The following TUBA3E variants were observed in gnomAD, a reference collection of about 807,000 sequenced individuals.
The protein encoded by TUBA3E is tubulin alpha-3E chain.
Under a neutral mutation model 36.7 loss-of-function variants are expected in TUBA3E, and 21 were observed. The ratio of observed to expected loss-of-function variants is 0.57; its 90% CI spans 0.41 to 0.83. The LOEUF (loss-of-function observed/expected upper bound fraction) is 0.83, where lower values mean the gene tolerates loss of function less well. Ranked by LOEUF, TUBA3E falls within the 40% of genes least tolerant of loss-of-function variation. TUBA3E has a pLI of 0.00. For missense variants in TUBA3E, 469 were observed against 604.2 expected (o/e 0.78, Z 2.35); for synonymous variants, 177 against 241.9 (o/e 0.73, Z 2.49).
intron 1 of TUBA3E, among the ~76,000 whole-genome samples, chr2:130,197,492 CAAA>C (rs1202771961): frequency 9.0e-5 from 4 of 44,402 alleles, no homozygotes; most frequent in African/African-American, 6.5e-5. Flanking sequence ...AGTGCTGTCT[CAAA>C]AAAAAAAAAA....
rs1180331437 is a variant in TUBA3E, at chr2:130,191,958, A to G, written c.1226T>C (p.Val409Ala). 1.9e-6 allele frequency: 3 copies of G among 1,613,804 alleles called. No homozygotes were observed. Among genetic ancestry groups the G allele is most frequent in the Admixed American group, 1.7e-5 (1 of 59,968 alleles). The stretch of plus-strand genomic sequence containing the variant: ...CTCTCCCTCTTCCATGCCTTCGCCC[A>G]CGTACCAGTGCACAAAGGCCCACTT... Reference protein sequence around the residue: ...YAKWAFVHWYVGEGMEEGEFS... With the variant: ...YAKWAFVHWYAGEGMEEGEFS... Residue 409 changes from valine (V) to alanine (A), a missense_variant, in exon 5 of 5, where the codon GTG (valine) becomes GCG (alanine). Val to Ala is a moderately conservative substitution (Grantham distance 64). Transcript: ENST00000312988.
Position 130,194,938 on chromosome 2 carries a change from A to G in TUBA3E, c.375+141T>C, listed in dbSNP as rs143640640. The G allele has an allele frequency of 3.2e-3, 4,684 of 1,482,918 alleles. 99 individuals carry two copies. In the African/African-American group the frequency reaches 0.056, roughly 18 times the overall value. The allele number at this position is 1,482,918 out of a possible 1,614,324, so 91.9% of individuals were successfully genotyped here. On this transcript the variant is annotated intron_variant, in intron 3 of 4. Coordinates refer to ENST00000312988, the MANE Select transcript of TUBA3E (RefSeq NM_207312.3). ...GGTAATCCACCTGCTTTAGCCTCTCAAAGTGCTGGGATTACACGTGTGAGC... is the reference window on the plus strand; with the variant it reads ...GGTAATCCACCTGCTTTAGCCTCTCGAAGTGCTGGGATTACACGTGTGAGC...
In TUBA3E at chr2:130,196,366, C is replaced by T; in HGVS notation, c.9G>A (p.Glu3=). The part of the protein sequence containing the change: MR[E]CISIHVGQAG... The stretch of plus-strand genomic sequence containing the variant: ...CCTGCCCCACGTGGATAGAGATACA[C>T]TCGCGCTGTGAACCGGAACATAAAT... Residue 3 remains glutamate (E), a synonymous_variant, in exon 2 of 5, where the codon GAG becomes GAA. Coordinates refer to ENST00000312988, the MANE Select transcript of TUBA3E (RefSeq NM_207312.3). 1 of 1,612,318 alleles carries T rather than the reference C, an allele frequency of 6.2e-7. No homozygotes were observed. The highest frequency in any genetic ancestry group is 8.5e-7 in the Non-Finnish European group (1 of 1,178,456).
chr2:130,196,397 C>A, intron 1 of TUBA3E, 26 bp from the exon 2 acceptor site: 2 of 1,602,720 alleles, frequency 1.2e-6, no homozygotes, highest in South Asian at 2.2e-5. Context: ...TAAATGTGAA[C>A]CCATTCATTT....
rs1690264967 is a variant in TUBA3E at position 130,191,808 on chromosome 2, G to A, written c.*23C>T. 2.5e-6 allele frequency: 4 copies of A among 1,587,144 alleles called. No individual in the cohort carries two copies. The East Asian group carries it at 6.7e-5, about 27-fold the overall frequency. ...AAGCAGCCATCCTAGGGGTGGCAGG[G>A]GAGAACCCACCACACCCTCCCCTCA... On this transcript the variant is annotated 3_prime_UTR_variant, in exon 5 of 5. Transcript: ENST00000312988.
rs1259864695 is a variant in TUBA3E at position 130,198,144 on chromosome 2, A to C, written c.3+214T>G. On this transcript the variant is annotated intron_variant, in intron 1 of 4. Coordinates refer to ENST00000312988, the MANE Select transcript of TUBA3E (RefSeq NM_207312.3). ...ACCGTCAATGGTCCCCGTCCACTAA[A>C]GGCCGGCAGCTTCATCTAAAACAAA... is the stretch of plus-strand genomic sequence containing the variant. 1.6e-5 allele frequency among the ~76,000 whole-genome samples: 2 copies of C among 122,814 alleles called. 1 individual carries two copies. Among genetic ancestry groups the C allele is most frequent in the Non-Finnish European group, 3.6e-5 (2 of 55,772 alleles). The allele number at this position is 122,814 out of a possible 152,430, so 80.6% of individuals were successfully genotyped here.
chr2:130,194,973 C>G (rs866424776), intron 3 of TUBA3E, 106 bp downstream of exon 3: 12 of 1,550,814 alleles, frequency 7.7e-6, no homozygotes, highest in Admixed American at 3.6e-5. Context: ...CCACCGCGCC[C>G]GGCCAAGATG....
rs1429640083 is a variant in TUBA3E at position 130,198,111 on chromosome 2, G to A, written c.3+247C>T. Among the ~76,000 whole-genome samples the A allele has an allele frequency of 4.4e-4, 54 of 122,910 alleles. 8 individuals are homozygous for A. Among genetic ancestry groups the A allele is most frequent in the African/African-American group, 1.3e-3 (45 of 34,420 alleles). The allele number at this position is 122,910 out of a possible 152,430, so 80.6% of individuals were successfully genotyped here. On this transcript the variant is annotated intron_variant, in intron 1 of 4. Transcript: ENST00000312988. ...CGACGCCACTATTTGCTCTCTGGGGGACGGGATACCGTCAATGGTCCCCGT... is the reference window on the plus strand; with the variant it reads ...CGACGCCACTATTTGCTCTCTGGGGAACGGGATACCGTCAATGGTCCCCGT...
rs2104746622 is a variant in TUBA3E at position 130,192,143 on chromosome 2, A to G, written c.1057-16T>C. On this transcript the variant is annotated splice_polypyrimidine_tract_variant and intron_variant, in intron 4 of 4. Coordinates refer to ENST00000312988, the MANE Select transcript of TUBA3E (RefSeq NM_207312.3). ...TAATGCCCACCTGCCAGAGAAGGGAAAGAAAGCAGTCCGTGAAGCTTATAT... is the reference window on the plus strand; with the variant it reads ...TAATGCCCACCTGCCAGAGAAGGGAGAGAAAGCAGTCCGTGAAGCTTATAT... 6.3e-7 allele frequency: 1 copy of G among 1,588,806 alleles called. No homozygotes were observed. Among genetic ancestry groups the G allele is most frequent in the African/African-American group, 1.3e-5 (1 of 74,282 alleles).
rs200546660 is a variant in TUBA3E, at chr2:130,192,734, AT to A, written c.1057-608del. Among the ~76,000 whole-genome samples, 709 of 152,354 alleles carry A rather than the reference AT, an allele frequency of 4.7e-3. 4 individuals carry two copies. Among genetic ancestry groups the A allele is most frequent in the African/African-American group, 0.015 (644 of 41,580 alleles). ...CCAAGTTTCAGAACTCGGTAATAAC[AT>A]GACCTGAGGTCCTGGCAGCAGTGCA... is the stretch of plus-strand genomic sequence containing the variant. On this transcript the variant is annotated intron_variant, in intron 4 of 4. Transcript: ENST00000312988.
In TUBA3E at chr2:130,194,083, C is replaced by T. The variant is rs139275097; in HGVS notation, c.759G>A (p.Thr253=). ...RFDGALNVDL[T]EFQTNLVPYP... ...ACGGCACGAGGTTGGTCTGGAATTC[C>T]GTCAAGTCCACATTCAGGGCCCCAT... Residue 253 remains threonine, a synonymous_variant, in exon 4 of 5, where the codon ACG becomes ACA. Transcript: ENST00000312988. 6.8e-6 allele frequency: 11 copies of T among 1,614,062 alleles called. No homozygotes were observed. The highest frequency in any genetic ancestry group is 2.7e-5 in the African/African-American group (2 of 74,944).
intron 4 of TUBA3E, 99 bp from the exon 5 acceptor site, chr2:130,192,226 G>A: frequency 5.4e-6 from 8 of 1,495,250 alleles, no homozygotes; most frequent in Admixed American, 4.6e-5. Context: ...TAGGTGACAC[G>A]GAGAATGCTC....
chr2:130,195,091 C>T lies in TUBA3E; in HGVS notation c.363G>A (p.Arg121=). 6.2e-7 allele frequency: 1 copy of T among 1,612,834 alleles called. No homozygotes were observed. The highest frequency in any genetic ancestry group is 1.1e-5 in the South Asian group (1 of 90,908). The change falls in exon 3 of 5, where the codon CGG becomes CGA. Residue 121 remains arginine, a synonymous_variant. Coordinates refer to ENST00000312988, the MANE Select transcript of TUBA3E (RefSeq NM_207312.3). The part of the protein sequence containing the change: ...GKEIVDLVLD[R]IRKLADLCTG... ...CTTCTCTTCTTACCAGTTTGCGGAT[C>T]CGGTCCAGGACTAGGTCAACAATCT...
intron 2 of TUBA3E, 117 bp from the exon 3 acceptor site, chr2:130,195,344 T>A (rs1199818683): frequency 1.4e-6 from 2 of 1,418,740 alleles, no homozygotes; most frequent in Non-Finnish European, 1.9e-6. Flanking sequence ...ATGACCTACA[T>A]GTCATAGGTC....
Position 130,194,165 on chromosome 2 carries a change from T to C in TUBA3E, c.677A>G (p.Asn226Ser). Residue 226 changes from asparagine (N) to serine (S), a missense_variant, in exon 4 of 5, where the codon AAC becomes AGC. Asn to Ser is a conservative substitution (Grantham distance 46). Transcript: ENST00000312988. ...GATCTGCCCAATCAGGCGATTGAGG[T>C]TGGTGTACGTGGGACGTTCAATGTC... ...NLDIERPTYT[N>S]LNRLIGQIVS... 1.9e-6 allele frequency: 3 copies of C among 1,613,604 alleles called. No individual in the cohort carries two copies. Among genetic ancestry groups the C allele is most frequent in the African/African-American group, 1.3e-5 (1 of 74,984 alleles).
At chr2:130,197,492 C>CA (rs1202771961) in intron 1 of TUBA3E, among the ~76,000 whole-genome samples, 7,294 of 44,068 alleles carry the variant, frequency 0.17, 1,338 homozygotes, top group African/African-American at 0.42. Flanking sequence ...AGTGCTGTCT[C>CA]AAAAAAAAAA....
chr2:130,192,091 C>T lies in TUBA3E; in HGVS notation c.1093G>A (p.Gly365Arg), dbSNP rs756913880. 2.0e-5 allele frequency: 32 copies of T among 1,606,486 alleles called. No individual in the cohort carries two copies. Among genetic ancestry groups the T allele is most frequent in the Middle Eastern group, 1.7e-4 (1 of 6,046 alleles). Residue 365 changes from glycine (G) to arginine (R), a missense_variant, in exon 5 of 5, where the codon GGG becomes AGG. Gly to Arg is a moderately radical substitution (Grantham distance 125). Coordinates refer to ENST00000312988, the MANE Select transcript of TUBA3E (RefSeq NM_207312.3). ...INYQPPTVVPGGDLAKVQRAV... is the reference protein window; with the variant it reads ...INYQPPTVVPRGDLAKVQRAV... ...CGCTGCACCTTGGCCAGGTCTCCCC[C>T]GGGGACCACTGTGGGGGGCTGGTAG...
rs1350286587 is a variant in TUBA3E at position 130,194,089 on chromosome 2, G to C, written c.753C>G (p.Asp251Glu). The change falls in exon 4 of 5, where the codon GAC (aspartate) becomes GAG (glutamate). Residue 251 changes from aspartate to glutamate, a missense_variant. By Grantham distance (45) the Asp-to-Glu change is conservative (BLOSUM62 2). This residue lies in a region of TUBA3E where 296 missense variants were observed against 346.9 expected (regional missense o/e 0.85). Coordinates refer to ENST00000312988, the MANE Select transcript of TUBA3E (RefSeq NM_207312.3). ...SLRFDGALNV[D>E]LTEFQTNLVP... ...CGAGGTTGGTCTGGAATTCCGTCAAGTCCACATTCAGGGCCCCATCAAATC... is the reference window on the plus strand; with the variant it reads ...CGAGGTTGGTCTGGAATTCCGTCAACTCCACATTCAGGGCCCCATCAAATC... 6.2e-7 allele frequency: 1 copy of C among 1,614,214 alleles called. No homozygotes were observed. The highest frequency in any genetic ancestry group is 2.2e-5 in the East Asian group (1 of 44,882).
Position 130,191,839 on chromosome 2 carries a change from C to T in TUBA3E, c.1345G>A (p.Ala449Thr), listed in dbSNP as rs766249216. ...SVEAEAEEGE[A>T]Y ...CCCACCACACCCTCCCCTCAGTATG[C>T]TTCGCCTTCTTCAGCCTCAGCTTCC... The change falls in exon 5 of 5, where the codon GCA (alanine) becomes ACA (threonine). Residue 449 changes from alanine to threonine, a missense_variant. By Grantham distance (58) the Ala-to-Thr change is moderately conservative (BLOSUM62 0). Transcript: ENST00000312988. The T allele has an allele frequency of 8.1e-6, 13 of 1,599,784 alleles. No homozygotes were observed. Among genetic ancestry groups the T allele is most frequent in the South Asian group, 5.7e-5 (5 of 87,918 alleles).
Sources: gnomAD v4.1 joint callset for allele counts (sites outside exome capture counted in the v4.1 genomes callset) on GRCh38, gnomAD v4.1.1 for gene constraint, gnomAD v4.1.1 regional missense constraint, MANE v1.5 for transcripts, NCBI Gene and HGNC (gene_info 2026-07-23, HGNC 2026-07-21) for gene names.